DRC11: variants seen among roughly 807,000 people sequenced by gnomAD.
DRC11 encodes dynein regulatory complex subunit 11.
the DRC11 span, among the ~76,000 whole-genome samples, chr2:236,417,285 T>C: frequency 6.6e-6 from 1 of 152,200 alleles, no homozygotes; most frequent in Non-Finnish European, 1.5e-5. Flanking sequence ...GTAGCTCGTC[T>C]TGCTTGACTG....
the DRC11 span, among the ~76,000 whole-genome samples, chr2:236,475,555 C>T: frequency 2.0e-5 from 3 of 152,086 alleles, no homozygotes; most frequent in African/African-American, 7.2e-5. The surrounding 1 kb of genome is among the most constrained non-coding windows in gnomAD (Gnocchi z 4.8). Context: ...GTGGTTTTTG[C>T]CATTACTGTT....
the DRC11 span, among the ~76,000 whole-genome samples, chr2:236,309,903 A>C: frequency 3.9e-5 from 6 of 152,176 alleles, no homozygotes; most frequent in Admixed American, 3.3e-4. This position sits in a 1 kb window ranked among gnomAD's most constrained non-coding sequence, Gnocchi z 5.7. Flanking sequence ...AGTGACTGGC[A>C]TCTCTGCTTG....
the DRC11 span, chr2:236,380,419 AT>A: frequency 3.3e-6 from 2 of 601,818 alleles, no homozygotes; most frequent in Non-Finnish European, 5.8e-6. The surrounding 1 kb of genome is among the most constrained non-coding windows in gnomAD (Gnocchi z 4.9). Flanking sequence ...CCAGTCTGGG[AT>A]TTGTAGGGAC....
At chr2:236,363,758 A>C in the DRC11 span, 1 of 1,560,856 alleles carries the variant, frequency 6.4e-7, no homozygotes, top group Admixed American at 1.7e-5. This position sits in a 1 kb window ranked among gnomAD's most constrained non-coding sequence, Gnocchi z 5.6. Context: ...GAGAGTTGGA[A>C]ACCAAGAAAT....
chr2:236,416,743 A>ATTTT, the DRC11 span, among the ~76,000 whole-genome samples: 152 of 56,418 alleles, frequency 2.7e-3, 2 homozygotes, highest in Middle Eastern at 0.017. Context: ...ATATATATAT[A>ATTTT]TATATATATA....
At chr2:236,395,162 G>A in the DRC11 span, among the ~76,000 whole-genome samples, 4 of 152,158 alleles carry the variant, frequency 2.6e-5, no homozygotes, top group African/African-American at 9.7e-5. Flanking sequence ...ATGGGACTCT[G>A]AAGGTGACTG....
At chr2:236,479,540 C>A in the DRC11 span, among the ~76,000 whole-genome samples, 4 of 152,062 alleles carry the variant, frequency 2.6e-5, no homozygotes, top group South Asian at 6.2e-4. The surrounding 1 kb of genome is among the most constrained non-coding windows in gnomAD (Gnocchi z 4.1). Flanking sequence ...AGGCTTACAA[C>A]AAGTCATATA....
the DRC11 span, among the ~76,000 whole-genome samples, chr2:236,496,933 C>T: frequency 6.6e-6 from 1 of 152,148 alleles, no homozygotes; most frequent in Admixed American, 6.5e-5. This position sits in a 1 kb window ranked among gnomAD's most constrained non-coding sequence, Gnocchi z 6.3. Context: ...ACAGCCACGA[C>T]AGTGCCTAAC....
chr2:236,465,425 T>C, the DRC11 span: 7 of 1,189,692 alleles, frequency 5.9e-6, no homozygotes, highest in Admixed American at 1.9e-5. The surrounding 1 kb of genome is among the most constrained non-coding windows in gnomAD (Gnocchi z 6.2). Flanking sequence ...TATATCAATA[T>C]GCTTCTGTGC....
chr2:236,476,354 T>A, the DRC11 span, among the ~76,000 whole-genome samples: 1 of 152,124 alleles, frequency 6.6e-6, no homozygotes, highest in Non-Finnish European at 1.5e-5. The surrounding 1 kb of genome is among the most constrained non-coding windows in gnomAD (Gnocchi z 4.7). Context: ...TTTTTTGAAT[T>A]TTTTTTAGAT....
At chr2:236,459,603 A>ACGTATATACGTATACGTATACATG in the DRC11 span, among the ~76,000 whole-genome samples, 4 of 85,090 alleles carry the variant, frequency 4.7e-5, no homozygotes, top group African/African-American at 1.5e-4. Context: ...ACGTATACAT[A>ACGTATATACGTATACGTATACATG]TATACGTATA....
the DRC11 span, among the ~76,000 whole-genome samples, chr2:236,429,290 G>A: frequency 6.6e-6 from 1 of 152,248 alleles, no homozygotes; most frequent in African/African-American, 2.4e-5. The surrounding 1 kb of genome is among the most constrained non-coding windows in gnomAD (Gnocchi z 5.9). Flanking sequence ...AGGTGCACAT[G>A]TGGCACTGGG....
At chr2:236,420,609 C>A in the DRC11 span, among the ~76,000 whole-genome samples, 1 of 152,028 alleles carries the variant, frequency 6.6e-6, no homozygotes, top group African/African-American at 2.4e-5. The surrounding 1 kb of genome is among the most constrained non-coding windows in gnomAD (Gnocchi z 4.8). Flanking sequence ...GATCTTTTCC[C>A]AGCCTAGGCA....
the DRC11 span, among the ~76,000 whole-genome samples, chr2:236,328,169 A>C: frequency 9.9e-5 from 15 of 151,978 alleles, no homozygotes; most frequent in East Asian, 2.3e-3. This position sits in a 1 kb window ranked among gnomAD's most constrained non-coding sequence, Gnocchi z 6.7. Context: ...TGTGGCTCAT[A>C]ATTTTTTATT....
At chr2:236,488,087 G>A in the DRC11 span, 3 of 1,609,534 alleles carry the variant, frequency 1.9e-6, no homozygotes, top group Non-Finnish European at 2.5e-6. Context: ...CTTGCAGATA[G>A]ATTTGCTTCA....
the DRC11 span, among the ~76,000 whole-genome samples, chr2:236,369,963 G>A: frequency 1.3e-5 from 2 of 152,196 alleles, no homozygotes; most frequent in Non-Finnish European, 2.9e-5. The surrounding 1 kb of genome is among the most constrained non-coding windows in gnomAD (Gnocchi z 4.5). Context: ...CTGCACGACA[G>A]GTGGAATCGA....
chr2:236,312,739 C>A, the DRC11 span, among the ~76,000 whole-genome samples: 2 of 151,300 alleles, frequency 1.3e-5, no homozygotes, highest in Non-Finnish European at 3.0e-5. Context: ...ATAAAGACAG[C>A]CATCAAATAA....
At chr2:236,459,552 C>CGG in the DRC11 span, among the ~76,000 whole-genome samples, 3 of 113,878 alleles carry the variant, frequency 2.6e-5, no homozygotes, top group Non-Finnish European at 3.8e-5. Context: ...TATACGTATA[C>CGG]ATGTATACGT....
chr2:236,321,408 A>T, the DRC11 span, among the ~76,000 whole-genome samples: 1 of 152,254 alleles, frequency 6.6e-6, no homozygotes, highest in African/African-American at 2.4e-5. Context: ...AGAACAGTAT[A>T]TATGTTCTAA....
Sources: allele counts gnomAD v4.1 joint callset (sites outside exome capture counted in the v4.1 genomes callset), GRCh38; gene constraint gnomAD v4.1.1; non-coding constraint Gnocchi (gnomAD v3.1); transcripts MANE v1.5; gene names NCBI Gene and HGNC (gene_info 2026-07-23, HGNC 2026-07-21).